The following FARP2 variants were observed in gnomAD, a reference collection of about 807,000 sequenced individuals.
FARP2 encodes the protein FERM, ARHGEF and pleckstrin domain-containing protein 2.
In FARP2, 111 loss-of-function variants were observed where a neutral mutation model predicts 130.5. That is an observed-to-expected ratio of 0.85 (90% CI 0.73 to 1.00). The LOEUF (loss-of-function observed/expected upper bound fraction) is 1.00. Ranked by LOEUF, FARP2 falls within the 50% of genes least tolerant of loss-of-function variation. The probability of loss-of-function intolerance (pLI) is 0.00; values close to 1 mark genes in which losing one functional copy is unlikely to be tolerated. For synonymous variants in FARP2, 504 were observed against 516.9 expected, an observed-to-expected ratio of 0.98 and a Z score of 0.34; for missense variants, 1,385 against 1,346.3, an observed-to-expected ratio of 1.03 and a Z score of -0.45.
intron 1 of FARP2, among the ~76,000 whole-genome samples, chr2:241,366,122 C>CGT (rs1491577716): frequency 3.1e-5 from 2 of 63,712 alleles, no homozygotes; most frequent in East Asian, 4.9e-4. Context: ...TATATATATA[C>CGT]GTATATATAT....
intron 9 of FARP2, among the ~76,000 whole-genome samples, chr2:241,433,823 C>G (rs1489347808): frequency 6.6e-6 from 1 of 152,132 alleles, no homozygotes; most frequent in Non-Finnish European, 1.5e-5. Flanking sequence ...CTCAGGAGTT[C>G]AAGACCAGCC....
intron 1 of FARP2, among the ~76,000 whole-genome samples, chr2:241,360,280 G>T (rs940755463): frequency 2.6e-5 from 4 of 152,144 alleles, no homozygotes; most frequent in African/African-American, 9.7e-5. Context: ...GAGCTTGAAG[G>T]TATACAATTT....
intron 2 of FARP2, among the ~76,000 whole-genome samples, chr2:241,381,176 T>C (rs1267918865): frequency 6.6e-6 from 1 of 152,182 alleles, no homozygotes; most frequent in African/African-American, 2.4e-5. Context: ...CTGTGGGCCC[T>C]GTACCTGGCC....
Position 241,434,988 on chromosome 2 carries a change from A to C in FARP2, c.1058A>C (p.Asp353Ala). ...YSGRTQKQLV[D>A]YFKDSGMKRI... ...GGAAGAACTCAGAAACAACTAGTAG[A>C]TTATTTCAAAGACAGTGGAATGAAG... The change falls in exon 11 of 27, where the codon GAT (aspartate) becomes GCT (alanine). Residue 353 changes from aspartate (D) to alanine (A), a missense_variant. Coordinates refer to ENST00000264042, the MANE Select transcript of FARP2 (RefSeq NM_014808.4). The C allele has an allele frequency of 6.3e-7, 1 of 1,597,048 alleles. No individual in the cohort carries two copies. The highest frequency in any genetic ancestry group is 1.1e-5 in the South Asian group (1 of 89,446).
At chr2:241,432,688 A>G (rs1373845665) in intron 9 of FARP2, among the ~76,000 whole-genome samples, 2 of 152,252 alleles carry the variant, frequency 1.3e-5, no homozygotes, top group Non-Finnish European at 2.9e-5. Flanking sequence ...ATGAGTAAAA[A>G]TGGAAAAAAT....
intron 8 of FARP2, 39 bp from the exon 9 acceptor site, chr2:241,431,640 C>T: frequency 6.0e-6 from 6 of 1,007,468 alleles, no homozygotes; most frequent in East Asian, 2.4e-5. Flanking sequence ...GGGTTATGTG[C>T]CAGATACAAA....
chr2:241,388,323 A>G lies in FARP2; in HGVS notation c.183+15033A>G, dbSNP rs1220115462. Among the ~76,000 whole-genome samples, 4 of 152,250 alleles carry G rather than the reference A, an allele frequency of 2.6e-5. No homozygotes were observed. In the East Asian group the frequency reaches 5.8e-4, roughly 22 times the overall value. Reference sequence around the variant, plus strand: ...TTCAAAAAGAATGTCAAGACAATCAATGGGAGAACTAATAGTCTTCCACAG... The same window carrying G: ...TTCAAAAAGAATGTCAAGACAATCAGTGGGAGAACTAATAGTCTTCCACAG... On this transcript the variant is annotated intron_variant, in intron 2 of 26. Coordinates refer to ENST00000264042, the MANE Select transcript of FARP2 (RefSeq NM_014808.4).
Position 241,492,943 on chromosome 2 carries a change from A to G in FARP2, c.2802A>G (p.Gly934=), listed in dbSNP as rs142709226. 6.8e-6 allele frequency: 11 copies of G among 1,607,548 alleles called. No individual in the cohort carries two copies. The highest frequency in any genetic ancestry group is 2.7e-5 in the African/African-American group (2 of 74,782). ...HSAAVENQLS[G]YLLRKFKNSH... Reference sequence around the variant, plus strand: ...TTTATTGACAGAACCAGCTTTCAGGATATCTGCTAAGAAAGTTCAAAAACA... The same window carrying G: ...TTTATTGACAGAACCAGCTTTCAGGGTATCTGCTAAGAAAGTTCAAAAACA... The change falls in exon 25 of 27, where the codon GGA becomes GGG. Residue 934 remains glycine, a synonymous_variant. Transcript: ENST00000264042.
intron 20 of FARP2, 131 bp downstream of exon 20, chr2:241,483,664 T>C (rs1167840999): frequency 3.9e-5 from 49 of 1,244,886 alleles, no homozygotes; most frequent in Non-Finnish European, 5.4e-5. Context: ...TTGGTCCAGG[T>C]GGGTAGCGTT....
At chr2:241,480,218 C>T (rs1464165573) in intron 19 of FARP2, among the ~76,000 whole-genome samples, 1 of 152,194 alleles carries the variant, frequency 6.6e-6, no homozygotes, top group African/African-American at 2.4e-5. Context: ...GTCTGGTTTC[C>T]AGTGCTTCTG....
intron 18 of FARP2, among the ~76,000 whole-genome samples, chr2:241,469,283 C>A (rs1338311618): frequency 6.6e-6 from 1 of 152,124 alleles, no homozygotes; most frequent in South Asian, 2.1e-4. Context: ...GATAGGGTTT[C>A]ACCGTGTTGG....
chr2:241,493,971 G>GA, intron 26 of FARP2, 37 bp from the exon 27 acceptor site: 1 of 1,253,026 alleles, frequency 8.0e-7, no homozygotes, highest in Non-Finnish European at 1.1e-6. Context: ...CTGAGCACAA[G>GA]ATGGCTCACT....
chr2:241,401,187 TAC>T (rs1402314622), intron 2 of FARP2, among the ~76,000 whole-genome samples: 2 of 152,218 alleles, frequency 1.3e-5, no homozygotes, highest in African/African-American at 4.8e-5. Flanking sequence ...TTTTATTTCT[TAC>T]ACAGTGAGAA....
intron 8 of FARP2, among the ~76,000 whole-genome samples, chr2:241,430,169 C>T (rs1049034566): frequency 6.6e-6 from 1 of 152,218 alleles, no homozygotes; most frequent in Non-Finnish European, 1.5e-5. Context: ...TTATCTTTAA[C>T]TTTCCCACAT....
chr2:241,438,155 G>A (rs915110590), intron 12 of FARP2, among the ~76,000 whole-genome samples: 2 of 152,080 alleles, frequency 1.3e-5, no homozygotes, highest in East Asian at 1.9e-4. Context: ...TTTCTTCATG[G>A]TGCTACAGTT....
At position 241,373,085 on chromosome 2, in the gene FARP2, G is replaced by A; in HGVS notation, c.-23G>A. The A allele has an allele frequency of 8.9e-7, 1 of 1,118,110 alleles. No individual in the cohort carries two copies. Among genetic ancestry groups the A allele is most frequent in the South Asian group, 2.8e-5 (1 of 36,044 alleles). The allele number at this position is 1,118,110 out of a possible 1,614,324, so 69.3% of individuals were successfully genotyped here. ...TGGTTTTTTTTTTTTTCATTTTAGT[G>A]TTTTCTTCACTCATGGTGAAGAATG... On this transcript the variant is annotated splice_region_variant and 5_prime_UTR_variant, in exon 2 of 27. Coordinates refer to ENST00000264042, the MANE Select transcript of FARP2 (RefSeq NM_014808.4).
intron 2 of FARP2, among the ~76,000 whole-genome samples, chr2:241,391,839 A>G (rs889481519): frequency 6.6e-6 from 1 of 152,176 alleles, no homozygotes; most frequent in African/African-American, 2.4e-5. Context: ...TTTCCAGAGA[A>G]TACCATTGAA....
intron 6 of FARP2, among the ~76,000 whole-genome samples, chr2:241,411,348 G>A (rs996930111): frequency 2.0e-5 from 3 of 152,228 alleles, no homozygotes; most frequent in African/African-American, 4.8e-5. Context: ...CACAGGCCAA[G>A]GCCAAAATCT....
chr2:241,369,580 T>C (rs183443524), intron 1 of FARP2, among the ~76,000 whole-genome samples: 3 of 152,154 alleles, frequency 2.0e-5, no homozygotes, highest in Admixed American at 6.5e-5. Flanking sequence ...GACTTTCTTA[T>C]AATGAGTAGA....
Sources: allele counts gnomAD v4.1 joint callset (sites outside exome capture counted in the v4.1 genomes callset), GRCh38; gene constraint gnomAD v4.1.1; transcripts MANE v1.5; gene names NCBI Gene and HGNC (gene_info 2026-07-23, HGNC 2026-07-21).